Variants in CPM observed in about 807,000 individuals in gnomAD.
CPM encodes renal carboxypeptidase.
CPM carries 35 observed loss-of-function variants against 46.4 expected under a neutral mutation model. That is an observed-to-expected ratio of 0.75 (90% CI 0.58 to 1.00). The LOEUF (loss-of-function observed/expected upper bound fraction) is 1.00, where lower values mean the gene tolerates loss of function less well. CPM is among the 50% of genes least tolerant of loss of function. CPM has a pLI of 0.00. For missense variants in CPM, 422 were observed against 530.4 expected, an observed-to-expected ratio of 0.80 and a Z score of 2.01; for synonymous variants, 195 against 195.3, an observed-to-expected ratio of 1.00 and a Z score of 0.01.
chr12:68,843,438 C>T, intron 5 of CPM: 1 of 229,096 alleles, frequency 4.4e-6, no homozygotes, highest in East Asian at 6.3e-5. Context: ...GTACATACAC[C>T]ATATTTACAA....
intron 2 of CPM, among the ~76,000 whole-genome samples, chr12:68,900,386 CAA>C (rs1168301317): frequency 1.3e-5 from 2 of 152,086 alleles, no homozygotes; most frequent in Non-Finnish European, 2.9e-5. Context: ...CTGACAACAC[CAA>C]ATACTGGCGA....
chr12:68,945,044 G>A (rs964292178), intron 1 of CPM, among the ~76,000 whole-genome samples: 7 of 152,104 alleles, frequency 4.6e-5, no homozygotes, highest in Non-Finnish European at 8.8e-5. Context: ...AAGTTCTACA[G>A]TAGTGATGTT....
At chr12:68,929,778 T>C (rs1455155525) in intron 2 of CPM, among the ~76,000 whole-genome samples, 1 of 152,052 alleles carries the variant, frequency 6.6e-6, no homozygotes, top group Admixed American at 6.5e-5. Context: ...ATTCACATAA[T>C]CAAGAGGATA....
intron 2 of CPM, among the ~76,000 whole-genome samples, chr12:68,891,732 T>C (rs1165062022): frequency 1.3e-5 from 2 of 152,148 alleles, no homozygotes; most frequent in East Asian, 3.8e-4. Flanking sequence ...GTTTTGTTTT[T>C]TTGGGTTTTT....
chr12:68,873,832 G>T (rs1015013781), intron 3 of CPM, among the ~76,000 whole-genome samples: 9 of 150,930 alleles, frequency 6.0e-5, no homozygotes, highest in African/African-American at 2.2e-4. Flanking sequence ...TTGAGACAGA[G>T]TCTCACTCTG....
At position 68,932,787 on chromosome 12, in the gene CPM, C is replaced by A; in HGVS notation, c.51G>T (p.Ala17=). The change falls in exon 2 of 9, where the codon GCG becomes GCT. Residue 17 remains alanine, a synonymous_variant. Transcript: ENST00000551568. ...WLGLLLPLVA[A]LDFNYHRQEG... ...CCTGGCGGTGGTAGTTGAAATCCAG[C>A]GCAGCTACCAAAGGCAGCAACAGCC... 1 of 1,614,102 alleles carries A rather than the reference C, an allele frequency of 6.2e-7. No homozygotes were observed. Among genetic ancestry groups the A allele is most frequent in the African/African-American group, 1.3e-5 (1 of 75,014 alleles).
intron 2 of CPM, among the ~76,000 whole-genome samples, chr12:68,924,478 T>C (rs1040405624): frequency 2.2e-5 from 1 of 44,596 alleles, no homozygotes. Context: ...AGACTCCATA[T>C]AGAAAAAAAA....
chr12:68,847,126 A>G (rs903944652), downstream of CPM: 7 of 139,154 alleles, frequency 5.0e-5, no homozygotes, highest in Admixed American at 7.2e-5. Context: ...TATATATATT[A>G]TATATAATAT....
In CPM at chr12:68,843,435, C is replaced by T. The variant is rs754946844; in HGVS notation, c.534-1106G>A. 5 of 229,616 alleles carry T rather than the reference C, an allele frequency of 2.2e-5. 1 individual carries two copies. Among genetic ancestry groups the T allele is most frequent in the African/African-American group, 6.6e-5 (3 of 45,218 alleles). 14.2% of individuals were successfully genotyped at this position (229,616 alleles called of 1,614,324 possible). On this transcript the variant is annotated intron_variant, in intron 5 of 5. Coordinates refer to the CPM transcript ENST00000551897. ...CCCATTGTATGTGAAACAGTACATA[C>T]ACCATATTTACAATTATGTATTTAA...
chr12:68,898,323 A>G (rs1336381623), intron 2 of CPM, among the ~76,000 whole-genome samples: 2 of 152,166 alleles, frequency 1.3e-5, no homozygotes, highest in African/African-American at 4.8e-5. Context: ...GGCAAGGAAT[A>G]ATGGCAATTA....
At chr12:68,867,093 G>A (rs746919792) in intron 6 of CPM, 45 bp from the exon 7 acceptor site, 3 of 1,596,490 alleles carry the variant, frequency 1.9e-6, no homozygotes, top group South Asian at 1.1e-5. Flanking sequence ...TAAAATTGGA[G>A]TGGAGCCAAG....
downstream of CPM, chr12:68,849,311 A>C (rs1398061184): frequency 1.3e-5 from 2 of 150,758 alleles, no homozygotes; most frequent in African/African-American, 4.9e-5. Flanking sequence ...GCTGGTCTCG[A>C]ACTCCTGACC....
chr12:68,916,469 T>G (rs937284), intron 2 of CPM, among the ~76,000 whole-genome samples: 2,958 of 152,340 alleles, frequency 0.019, 61 homozygotes, highest in Admixed American at 0.052. Flanking sequence ...CACTGATAGC[T>G]CTCAGGGATT....
At chr12:68,923,661 A>G (rs1350588961) in intron 2 of CPM, among the ~76,000 whole-genome samples, 1 of 152,258 alleles carries the variant, frequency 6.6e-6, no homozygotes, top group Admixed American at 6.5e-5. Context: ...AAAGAATGCA[A>G]TTTACATAAG....
chr12:68,848,011 G>A (rs976077723), downstream of CPM: 1 of 152,064 alleles, frequency 6.6e-6, no homozygotes, highest in African/African-American at 2.4e-5. Flanking sequence ...AAAAATTGTG[G>A]TGGCATGCAT....
intron 1 of CPM, among the ~76,000 whole-genome samples, chr12:68,962,199 C>CAAA (rs763014081): frequency 6.8e-5 from 2 of 29,490 alleles, no homozygotes; most frequent in South Asian, 4.0e-3. Context: ...GACTCCATCT[C>CAAA]AAAAAAAAAA....
intron 7 of CPM, among the ~76,000 whole-genome samples, chr12:68,861,080 C>T (rs1019590746): frequency 6.6e-6 from 1 of 151,932 alleles, no homozygotes; most frequent in African/African-American, 2.4e-5. Context: ...TGGGGTTTCG[C>T]CATGTTGCAC....
At chr12:68,926,528 G>A (rs896382224) in intron 2 of CPM, among the ~76,000 whole-genome samples, 28 of 151,994 alleles carry the variant, frequency 1.8e-4, no homozygotes, top group African/African-American at 4.8e-4. Context: ...ATCCCCATCT[G>A]TGTCAAGCTG....
chr12:68,872,737 GAT>G, intron 3 of CPM, among the ~76,000 whole-genome samples: 1 of 146,082 alleles, frequency 6.8e-6, no homozygotes, highest in East Asian at 2.0e-4. Context: ...TCACATTGTA[GAT>G]TTTTTTTTTT....
Sources: allele counts gnomAD v4.1 joint callset (sites outside exome capture counted in the v4.1 genomes callset), GRCh38; gene constraint gnomAD v4.1.1; transcripts MANE v1.5; gene names NCBI Gene and HGNC (gene_info 2026-07-23, HGNC 2026-07-21).